Variants in AZIN1 observed in about 807,000 individuals in gnomAD.
The protein encoded by AZIN1 is ornithine decarboxylase antizyme inhibitor.
A neutral mutation model predicts 47.4 loss-of-function variants in AZIN1; 12 were observed. The observed-to-expected ratio is 0.25, with a 90% CI of 0.16 to 0.41. The LOEUF is 0.41. AZIN1 is among the 10% of genes least tolerant of loss of function. The probability of loss-of-function intolerance (pLI) is 1.00; values close to 1 mark genes in which losing one functional copy is unlikely to be tolerated. For missense variants in AZIN1, 410 were observed against 532.4 expected (o/e 0.77, Z 2.26); for synonymous variants, 155 against 176.3 (o/e 0.88, Z 0.96).
chr8:102,854,623 TATA>T (rs1563548706), intron 2 of AZIN1: 4 of 138,624 alleles, frequency 2.9e-5, no homozygotes, highest in African/African-American at 1.0e-4. Flanking sequence ...TATATATATA[TATA>T]TTTTTTTTCC....
intron 9 of AZIN1, among the ~76,000 whole-genome samples, chr8:102,831,499 C>T (rs895166917): frequency 4.0e-5 from 6 of 151,142 alleles, no homozygotes; most frequent in Admixed American, 2.0e-4. Context: ...AAAATCTAGC[C>T]GGGTGTGGTG....
At chr8:102,846,647 T>A (rs1172864655) in intron 2 of AZIN1, among the ~76,000 whole-genome samples, 1 of 152,220 alleles carries the variant, frequency 6.6e-6, no homozygotes, top group East Asian at 1.9e-4. Context: ...GGACTCCTTT[T>A]TTTTTTGGGA....
chr8:102,837,297 T>G (rs752104969), intron 5 of AZIN1, among the ~76,000 whole-genome samples: 12 of 152,226 alleles, frequency 7.9e-5, no homozygotes, highest in Non-Finnish European at 1.8e-4. Flanking sequence ...TATTTGGTAT[T>G]TCCTTCCAAA....
chr8:102,862,564 G>A (rs1385155787), intron 1 of AZIN1, among the ~76,000 whole-genome samples: 1 of 152,052 alleles, frequency 6.6e-6, no homozygotes, highest in East Asian at 1.9e-4. Context: ...GAATTATGAG[G>A]GCCTTTCTAG....
chr8:102,829,235 C>G (rs776399550), intron 11 of AZIN1, 37 bp downstream of exon 11: 1 of 1,552,116 alleles, frequency 6.4e-7, no homozygotes. Flanking sequence ...AAGGACAGTT[C>G]AAATATCCCA....
chr8:102,838,880 G>A lies in AZIN1; in HGVS notation c.313C>T (p.Pro105Ser). The part of the protein sequence containing the change: ...MALVQELGVP[P>S]ENIIYISPCK... Reference sequence around the variant, plus strand: ...GGACTTATGTAAATAATGTTTTCTGGAGGTACACCCAACTCTTGCACTAAA... The same window carrying A: ...GGACTTATGTAAATAATGTTTTCTGAAGGTACACCCAACTCTTGCACTAAA... The change falls in exon 5 of 12, where the codon CCA (proline) becomes TCA (serine). Residue 105 changes from proline to serine, a missense_variant. Physicochemically the swap from Pro to Ser is moderately conservative, Grantham distance 74 (BLOSUM62 -1). Coordinates refer to ENST00000337198, the MANE Select transcript of AZIN1 (RefSeq NM_148174.4). 6.2e-7 allele frequency: 1 copy of A among 1,613,202 alleles called. No individual in the cohort carries two copies. Among genetic ancestry groups the A allele is most frequent in the Non-Finnish European group, 8.5e-7 (1 of 1,179,682 alleles).
intron 2 of AZIN1, 39 bp from the exon 3 acceptor site, chr8:102,843,786 C>T (rs1812377623): frequency 7.4e-7 from 1 of 1,349,518 alleles, no homozygotes; most frequent in African/African-American, 1.5e-5. Context: ...TGTATTATTT[C>T]AATAGACATA....
At chr8:102,848,323 C>CAAAAAAAAAAAAAAAAAAAAAAA in intron 2 of AZIN1, among the ~76,000 whole-genome samples, 1 of 91,588 alleles carries the variant, frequency 1.1e-5, no homozygotes, top group Non-Finnish European at 2.2e-5. Flanking sequence ...ACTAAAAGGC[C>CAAAAAAAAAAAAAAAAAAAAAAA]AAAAAAAAAA....
Position 102,839,659 on chromosome 8 carries a change from A to G in AZIN1, c.267T>C (p.Cys89=). The G allele has an allele frequency of 1.3e-6, 2 of 1,554,692 alleles. No homozygotes were observed. Among genetic ancestry groups the G allele is most frequent in the Non-Finnish European group, 1.7e-6 (2 of 1,150,846 alleles). The change falls in exon 4 of 12, where the codon TGT becomes TGC. Residue 89 remains cysteine (C), a synonymous_variant. Transcript: ENST00000337198. The part of the protein sequence containing the change: ...ILAALGTGFA[C]SSKNEMALVQ... ...AATGAAAAATACTTACTTTACTGGAACAAGCAAATCCGGTTCCAAGAGCTG... is the reference window on the plus strand; with the variant it reads ...AATGAAAAATACTTACTTTACTGGAGCAAGCAAATCCGGTTCCAAGAGCTG...
chr8:102,853,655 T>C (rs949475955), intron 2 of AZIN1, among the ~76,000 whole-genome samples: 1 of 152,242 alleles, frequency 6.6e-6, no homozygotes, highest in Non-Finnish European at 1.5e-5. Context: ...TTTTACAGAA[T>C]ATTTTTCTGC....
intron 9 of AZIN1, 149 bp downstream of exon 9, chr8:102,832,907 T>C: frequency 1.5e-6 from 1 of 653,316 alleles, no homozygotes; most frequent in Non-Finnish European, 2.5e-6. Context: ...CCCAAAGTGC[T>C]GGGATTATAG....
chr8:102,850,522 C>T (rs746995454), intron 2 of AZIN1, among the ~76,000 whole-genome samples: 40 of 152,206 alleles, frequency 2.6e-4, no homozygotes, highest in African/African-American at 7.9e-4. Context: ...AGATGTGAGA[C>T]CTTGAGTAGG....
At chr8:102,854,079 C>G (rs1458938443) in intron 2 of AZIN1, among the ~76,000 whole-genome samples, 1 of 151,848 alleles carries the variant, frequency 6.6e-6, no homozygotes, top group Non-Finnish European at 1.5e-5. Flanking sequence ...GGATTACATG[C>G]GTGCACCACC....
chr8:102,858,104 TCTC>T lies in AZIN1; in HGVS notation c.-190_-188del. The T allele has an allele frequency of 2.5e-6, 1 of 398,916 alleles. No individual in the cohort carries two copies. 24.7% of individuals were successfully genotyped at this position (398,916 alleles called of 1,614,324 possible). A position where few individuals can be genotyped will look rare whatever the true frequency, so the allele number is the denominator to read the frequency against. On this transcript the variant is annotated 5_prime_UTR_variant, in exon 2 of 12. Coordinates refer to ENST00000337198, the MANE Select transcript of AZIN1 (RefSeq NM_148174.4). ...GTCGAACTGCTCTCTATACAGCACTTCTCCTAGGCCCTCTGGGTAGTTGTATAC... is the reference window on the plus strand; with the variant it reads ...GTCGAACTGCTCTCTATACAGCACTTCTAGGCCCTCTGGGTAGTTGTATAC...
rs988036048 is a variant in AZIN1 at position 102,826,749 on chromosome 8, A to T, written c.*1818T>A. 2.0e-5 allele frequency: 3 copies of T among 152,760 alleles called. No individual in the cohort carries two copies. Among genetic ancestry groups the T allele is most frequent in the Non-Finnish European group, 4.4e-5 (3 of 68,020 alleles). 9.5% of individuals were successfully genotyped at this position (152,760 alleles called of 1,614,324 possible). ...ACTCAAAGTTGCACCATCTTTAAAA[A>T]GGTTTGGCATTTCTGGACCACAACA... On this transcript the variant is annotated 3_prime_UTR_variant, in exon 12 of 12. Coordinates refer to ENST00000337198, the MANE Select transcript of AZIN1 (RefSeq NM_148174.4).
intron 10 of AZIN1, 131 bp downstream of exon 10, chr8:102,829,690 G>A (rs1811312830): frequency 1.2e-6 from 1 of 840,000 alleles, no homozygotes; most frequent in African/African-American, 1.7e-5. Context: ...TCCACCAGAA[G>A]AACGCAAATC....
At chr8:102,833,655 A>G (rs1001972677) in intron 8 of AZIN1, among the ~76,000 whole-genome samples, 1 of 152,016 alleles carries the variant, frequency 6.6e-6, no homozygotes, top group African/African-American at 2.4e-5. Flanking sequence ...TGTAACCCCA[A>G]AACTTTGGGA....
At chr8:102,843,351 G>A (rs1383590017) in intron 3 of AZIN1, among the ~76,000 whole-genome samples, 200 bp downstream of exon 3, 2 of 152,138 alleles carry the variant, frequency 1.3e-5, no homozygotes, top group African/African-American at 4.8e-5. Context: ...AGGGCCATAG[G>A]GAGGATTTTA....
intron 4 of AZIN1, 72 bp from the exon 5 acceptor site, chr8:102,838,988 T>G: frequency 7.5e-7 from 1 of 1,341,326 alleles, no homozygotes; most frequent in Non-Finnish European, 1.0e-6. Context: ...CCTCTAATAC[T>G]ATTACCCCCA....
Sources: allele counts gnomAD v4.1 joint callset (sites outside exome capture counted in the v4.1 genomes callset), GRCh38; gene constraint gnomAD v4.1.1; transcripts MANE v1.5; gene names NCBI Gene and HGNC (gene_info 2026-07-23, HGNC 2026-07-21).